The following CNTN4 variants were observed in gnomAD, a reference collection of about 807,000 sequenced individuals.
The protein encoded by CNTN4 is contactin-4.
In CNTN4, 77 loss-of-function variants were observed where a neutral mutation model predicts 122.5. The observed-to-expected ratio is 0.63, with a 90% CI of 0.52 to 0.76. The LOEUF (loss-of-function observed/expected upper bound fraction) is 0.76, where lower values mean the gene tolerates loss of function less well. Ranked by LOEUF, CNTN4 falls within the 30% of genes least tolerant of loss-of-function variation. The pLI, the probability that CNTN4 is intolerant of heterozygous loss-of-function variation, is 0.00. For synonymous variants in CNTN4, 512 were observed against 447.0 expected (o/e 1.15, Z -1.83); for missense variants, 1,256 against 1,259.1 (o/e 1.00, Z 0.04).
At chr3:2,282,144 T>A (rs2041739198) in intron 2 of CNTN4, among the ~76,000 whole-genome samples, 1 of 152,190 alleles carries the variant, frequency 6.6e-6, no homozygotes, top group Non-Finnish European at 1.5e-5. Context: ...AATTTTATTT[T>A]ATGGTTGATT....
chr3:2,439,153 G>C (rs988834161), intron 3 of CNTN4, among the ~76,000 whole-genome samples: 5 of 152,310 alleles, frequency 3.3e-5, no homozygotes, highest in African/African-American at 9.6e-5. Context: ...TTAAAACAAA[G>C]ATAACTTTTA....
chr3:2,368,579 T>G (rs1354087356), intron 3 of CNTN4, among the ~76,000 whole-genome samples: 1 of 152,108 alleles, frequency 6.6e-6, no homozygotes, highest in Non-Finnish European at 1.5e-5. Context: ...TCAGATTGAG[T>G]CTATTCTCTC....
rs1455203533 is a variant in CNTN4, at chr3:2,632,728, A to G, written c.55+61170A>G. On this transcript the variant is annotated intron_variant, in intron 4 of 24. Transcript: ENST00000418658. ...CACTTACTATATGCCAGCCACATTG[A>G]ATGAACTCTGCACTTAATAATTCTC... 2.6e-5 allele frequency among the ~76,000 whole-genome samples: 4 copies of G among 152,270 alleles called. No individual in the cohort carries two copies. In the East Asian group the frequency reaches 7.7e-4, roughly 29 times the overall value.
intron 2 of CNTN4, among the ~76,000 whole-genome samples, chr3:2,194,920 C>T (rs975495122): frequency 6.6e-6 from 1 of 152,104 alleles, no homozygotes; most frequent in Non-Finnish European, 1.5e-5. Context: ...TTGTTTTAAG[C>T]CACCCAATTT....
rs66498510 is a variant in CNTN4, at chr3:2,335,584, GTT to G, written c.-144-3577_-144-3576del. ...AGCGGCCCAGAAAAAAATTCTGTGG[GTT>G]TTTTTTTTTTTTTTTTAACCTTCTT... On this transcript the variant is annotated intron_variant, in intron 2 of 24. Coordinates refer to ENST00000418658, the MANE Select transcript of CNTN4 (RefSeq NM_175607.3). Among the ~76,000 whole-genome samples the G allele has an allele frequency of 7.1e-3, 1,033 of 145,512 alleles. 4 individuals are homozygous for G. Among genetic ancestry groups the G allele is most frequent in the Non-Finnish European group, 8.6e-3 (576 of 66,702 alleles).
chr3:2,551,619 TAGC>T lies in CNTN4; in HGVS notation c.-88-19794_-88-19792del, dbSNP rs1478914697. On this transcript the variant is annotated intron_variant, in intron 3 of 24. Transcript: ENST00000418658. ...CCCTAATGATTTTTGAAAATAATAA[TAGC>T]AGAGGGAATCCCATGCAAAATCAGT... Among the ~76,000 whole-genome samples, 4 of 152,244 alleles carry T rather than the reference TAGC, an allele frequency of 2.6e-5. No individual in the cohort carries two copies. In the East Asian group the frequency reaches 7.7e-4, roughly 29 times the overall value.
chr3:2,531,604 A>G (rs1179333392), intron 3 of CNTN4, among the ~76,000 whole-genome samples: 1 of 152,096 alleles, frequency 6.6e-6, no homozygotes, highest in African/African-American at 2.4e-5. Flanking sequence ...TTGGATGTCC[A>G]TTTACTCTTT....
intron 2 of CNTN4, among the ~76,000 whole-genome samples, chr3:2,214,080 C>A (rs969432829): frequency 1.3e-5 from 2 of 152,062 alleles, no homozygotes; most frequent in Non-Finnish European, 2.9e-5. Flanking sequence ...CTGGGCTTAA[C>A]CTAAGTGGTC....
intron 2 of CNTN4, among the ~76,000 whole-genome samples, chr3:2,325,210 G>A (rs1414131587): frequency 6.6e-6 from 1 of 152,130 alleles, no homozygotes; most frequent in Non-Finnish European, 1.5e-5. Context: ...GCAAATAGGA[G>A]GATCCATTTG....
At chr3:2,761,687 G>C (rs987421700) in intron 6 of CNTN4, among the ~76,000 whole-genome samples, 3 of 152,034 alleles carry the variant, frequency 2.0e-5, no homozygotes, top group Non-Finnish European at 4.4e-5. Context: ...TTAAACATTG[G>C]TACATAGTAG....
At chr3:2,618,206 C>A (rs2081849823) in intron 4 of CNTN4, among the ~76,000 whole-genome samples, 1 of 151,730 alleles carries the variant, frequency 6.6e-6, no homozygotes, top group South Asian at 2.1e-4. Context: ...TAGAACAATT[C>A]CTGGGACATA....
chr3:2,785,771 G>A (rs886201552), intron 6 of CNTN4, among the ~76,000 whole-genome samples: 4 of 152,056 alleles, frequency 2.6e-5, no homozygotes, highest in Admixed American at 1.3e-4. Context: ...GATATACTGG[G>A]TAGAAGGGCA....
chr3:2,459,668 C>G (rs932187903), intron 3 of CNTN4, among the ~76,000 whole-genome samples: 1 of 152,014 alleles, frequency 6.6e-6, no homozygotes, highest in Non-Finnish European at 1.5e-5. Context: ...ATTCTAGAGG[C>G]GGTACTAAAG....
At chr3:2,122,668 T>C (rs2033881067) in intron 2 of CNTN4, among the ~76,000 whole-genome samples, 3 of 152,368 alleles carry the variant, frequency 2.0e-5, no homozygotes, top group African/African-American at 4.8e-5. Context: ...TTAAAAACTT[T>C]TATAATTATT....
chr3:2,290,197 G>A (rs563157761), intron 2 of CNTN4, among the ~76,000 whole-genome samples: 2 of 152,196 alleles, frequency 1.3e-5, no homozygotes, highest in South Asian at 2.1e-4. Context: ...CCAGAAACAG[G>A]GGCAATGAAA....
intron 3 of CNTN4, among the ~76,000 whole-genome samples, chr3:2,433,292 T>C (rs2048143889): frequency 6.6e-6 from 1 of 152,200 alleles, no homozygotes; most frequent in African/African-American, 2.4e-5. Flanking sequence ...CTCCACACCT[T>C]TGCCAACACT....
intron 6 of CNTN4, among the ~76,000 whole-genome samples, chr3:2,803,116 A>G (rs2092386714): frequency 6.6e-6 from 1 of 152,226 alleles, no homozygotes; most frequent in Non-Finnish European, 1.5e-5. Context: ...AATCCTTTAT[A>G]TAACTGGGTA....
At chr3:2,562,586 T>C (rs1227298506) in intron 3 of CNTN4, among the ~76,000 whole-genome samples, 4 of 152,330 alleles carry the variant, frequency 2.6e-5, no homozygotes, top group East Asian at 3.9e-4. Context: ...TTGCATAGTA[T>C]TCCGTGGTGT....
chr3:2,567,146 G>A (rs913170450), intron 3 of CNTN4, among the ~76,000 whole-genome samples: 2 of 145,312 alleles, frequency 1.4e-5, no homozygotes, highest in African/African-American at 2.6e-5. Flanking sequence ...GTGCAGTGAT[G>A]CACGATCTCG....
Sources: allele counts gnomAD v4.1 joint callset (sites outside exome capture counted in the v4.1 genomes callset), GRCh38; gene constraint gnomAD v4.1.1; transcripts MANE v1.5; gene names NCBI Gene and HGNC (gene_info 2026-07-23, HGNC 2026-07-21).